The following TRPM5 variants were observed in gnomAD, a reference collection of about 807,000 sequenced individuals.
TRPM5 encodes transient receptor potential cation channel subfamily M member 5.
In TRPM5, 121 loss-of-function variants were observed where a neutral mutation model predicts 124.9. That is an observed-to-expected ratio of 0.97 (90% confidence interval 0.84 to 1.13). The LOEUF (loss-of-function observed/expected upper bound fraction) is 1.13, where lower values mean the gene tolerates loss of function less well. TRPM5 is among the 50% of genes most tolerant of loss of function. TRPM5 has a pLI of 0.00. For missense variants in TRPM5, 1,643 were observed against 1,589.1 expected, an observed-to-expected ratio of 1.03 and a Z score of -0.58; for synonymous variants, 781 against 700.5, an observed-to-expected ratio of 1.11 and a Z score of -1.81.
chr11:2,443,390 C>A, the TRPM5 span, among the ~76,000 whole-genome samples: 1 of 152,226 alleles, frequency 6.6e-6, no homozygotes, highest in Non-Finnish European at 1.5e-5. This position sits in a 1 kb window ranked among gnomAD's most constrained non-coding sequence, Gnocchi z 5.0. Context: ...GTGTGCCCTG[C>A]AGAGCTGACT....
the TRPM5 span, among the ~76,000 whole-genome samples, chr11:2,428,476 G>C: frequency 3.3e-5 from 5 of 151,560 alleles, no homozygotes; most frequent in Non-Finnish European, 1.5e-5. This position sits in a 1 kb window ranked among gnomAD's most constrained non-coding sequence, Gnocchi z 4.0. Context: ...GGCAGTAGTG[G>C]TGGTGGTGGT....
chr11:2,427,604 A>C (rs911890340), upstream of TRPM5, among the ~76,000 whole-genome samples: 2 of 152,192 alleles, frequency 1.3e-5, no homozygotes, highest in Admixed American at 1.3e-4. Context: ...CTCAGGTGTG[A>C]TTGGCACCAA....
At chr11:2,407,240 G>A in exon 20 of TRPM5, 1 of 1,612,424 alleles carries the variant, frequency 6.2e-7, no homozygotes, top group Admixed American at 1.7e-5. Flanking sequence ...CCACAATCAG[G>A]TTGTAGCGCT....
At chr11:2,413,304 A>C in intron 13 of TRPM5, 78 bp from the exon 19 acceptor site, 1 of 1,412,228 alleles carries the variant, frequency 7.1e-7, no homozygotes, top group East Asian at 2.5e-5. Flanking sequence ...CTTGGCCATC[A>C]AAGTGCCCAC....
chr11:2,434,527 A>G, the TRPM5 span, among the ~76,000 whole-genome samples: 1 of 133,464 alleles, frequency 7.5e-6, no homozygotes, highest in African/African-American at 2.9e-5. Flanking sequence ...TGTCTGTGAG[A>G]ATGCTGTGTA....
At chr11:2,426,273 T>A (rs1447380458), upstream of TRPM5, among the ~76,000 whole-genome samples, 2 of 152,062 alleles carry the variant, frequency 1.3e-5, no homozygotes, top group Non-Finnish European at 1.5e-5. Flanking sequence ...CAACCACCCC[T>A]TGCCCCATGC....
chr11:2,421,519 C>T (rs1312666866), intron 2 of TRPM5, among the ~76,000 whole-genome samples: 1 of 152,246 alleles, frequency 6.6e-6, no homozygotes, highest in African/African-American at 2.4e-5. Context: ...GTCCAGCTGC[C>T]TCTGCTGGGT....
chr11:2,414,585 A>C, intron 11 of TRPM5, 130 bp downstream of exon 16: 2 of 1,292,964 alleles, frequency 1.5e-6, no homozygotes, highest in Non-Finnish European at 2.1e-6. Flanking sequence ...CCTATGGAGG[A>C]GGCCCCTGAG....
intron 18 of TRPM5, among the ~76,000 whole-genome samples, chr11:2,409,508 TCCGGCTCGGCA>T (rs1213135955): frequency 6.6e-6 from 1 of 152,164 alleles, no homozygotes; most frequent in East Asian, 1.9e-4. Context: ...CAACCCCAGC[TCCGGCTCGGCA>T]CGAGTGCAGA....
At position 2,405,321 on chromosome 11, in the gene TRPM5, A is replaced by G. The variant is rs190748249; in HGVS notation, c.3391+206T>C. 3.4e-4 allele frequency among the ~76,000 whole-genome samples: 52 copies of G among 152,348 alleles called. 1 individual carries two copies. The highest frequency in any genetic ancestry group is 1.1e-3 in the Admixed American group (17 of 15,308). ...CGCCAGGCAGAGCCTCAAGAGTCTG[A>G]GTGAAGCACATTCGGCCCTGGCCAA... is the stretch of plus-strand genomic sequence containing the variant. On this transcript the variant is annotated intron_variant, in intron 23 of 23. Coordinates refer to ENST00000155858, the Ensembl canonical transcript of TRPM5.
chr11:2,418,961 G>A (rs950048436), intron 4 of TRPM5, among the ~76,000 whole-genome samples: 1 of 152,172 alleles, frequency 6.6e-6, no homozygotes, highest in African/African-American at 2.4e-5. Context: ...TCTGCTGGGT[G>A]GGCTGCGCCT....
chr11:2,406,133 G>A, intron 21 of TRPM5, 42 bp from the exon 27 acceptor site: 8 of 1,605,476 alleles, frequency 5.0e-6, no homozygotes, highest in Non-Finnish European at 6.8e-6. Context: ...TGGCCACGCG[G>A]TGCTCTGCGT....
intron 3 of TRPM5, 41 bp from the exon 9 acceptor site, chr11:2,420,446 C>A: frequency 6.7e-7 from 1 of 1,496,574 alleles, no homozygotes; most frequent in South Asian, 1.2e-5. Context: ...CCTCGAGAGG[C>A]AGCTTGGGCT....
chr11:2,422,943 C>T (rs1023893358), exon 1 of TRPM5: 2 of 1,613,376 alleles, frequency 1.2e-6, no homozygotes, highest in South Asian at 1.1e-5. Context: ...TTCCCAGACC[C>T]TCCAAAGTTG....
chr11:2,414,961 G>A (rs2133519736), exon 10 of TRPM5: 1 of 1,607,862 alleles, frequency 6.2e-7, no homozygotes, highest in Non-Finnish European at 8.5e-7. Flanking sequence ...CGGCCCACAG[G>A]AACAGGTCCC....
chr11:2,404,877 C>T (rs1362846967), exon 24 of TRPM5: 2 of 1,462,004 alleles, frequency 1.4e-6, no homozygotes, highest in African/African-American at 1.4e-5. Flanking sequence ...AAGGTCAGTG[C>T]ACAACGTGCA....
chr11:2,416,871 C>T (rs565903660), intron 7 of TRPM5, among the ~76,000 whole-genome samples: 5 of 152,332 alleles, frequency 3.3e-5, no homozygotes, highest in African/African-American at 9.6e-5. Flanking sequence ...GCATCAACCA[C>T]GGTCTGTCCA....
At chr11:2,412,732 C>T (rs372578278) in intron 15 of TRPM5, 22 bp downstream of exon 20, 1 of 1,567,844 alleles carries the variant, frequency 6.4e-7, no homozygotes, top group East Asian at 2.3e-5. Flanking sequence ...TGGAGGGGAC[C>T]TAGGCTAGTG....
chr11:2,406,592 G>T, intron 21 of TRPM5, 69 bp downstream of exon 26: 1 of 1,528,678 alleles, frequency 6.5e-7, no homozygotes. Context: ...CTCTGTCACT[G>T]GCGCCAATGG....
Sources: gnomAD v4.1 joint callset for allele counts (sites outside exome capture counted in the v4.1 genomes callset) on GRCh38, gnomAD v4.1.1 for gene constraint, Gnocchi (gnomAD v3.1) non-coding constraint, MANE v1.5 for transcripts, NCBI Gene and HGNC (gene_info 2026-07-23, HGNC 2026-07-21) for gene names.